MMP14: variants seen among roughly 807,000 people sequenced by gnomAD.
MMP14 encodes matrix metallopeptidase 14.
In MMP14, 13 loss-of-function variants were observed where a neutral mutation model predicts 64.8. That is an observed-to-expected ratio of 0.20 (90% CI 0.13 to 0.32). MMP14 has a LOEUF of 0.32. Among genes scored for constraint, MMP14 ranks in the 10% least tolerant of loss-of-function variants. The pLI is 1.00. For synonymous variants in MMP14, 322 were observed against 315.9 expected (o/e 1.02, Z -0.20); for missense variants, 594 against 783.8 (o/e 0.76, Z 2.89).
rs950588038 is a variant in MMP14, at chr14:22,836,898, G to T, written c.81G>T (p.Ser27=). The T allele has an allele frequency of 2.5e-6, 4 of 1,613,430 alleles. No individual in the cohort carries two copies. The highest frequency in any genetic ancestry group is 3.4e-6 in the Non-Finnish European group (4 of 1,179,766). Residue 27 remains serine (S), a synonymous_variant, in exon 1 of 10, where the codon TCG becomes TCT. Coordinates refer to ENST00000311852, the MANE Select transcript of MMP14 (RefSeq NM_004995.4). The part of the protein sequence containing the change: ...TLGTALASLG[S]AQSSSFSPEA... ...GCACCGCGCTCGCCTCCCTCGGCTC[G>T]GCCCAAAGCAGCAGCTTCAGCCCCG...
rs763810739 is a variant in MMP14, at chr14:22,845,888, G to A, written c.1598G>A (p.Gly533Asp). Residue 533 changes from glycine to aspartate, a missense_variant, in exon 10 of 10, where the codon GGC becomes GAC. Physicochemically the swap from Gly to Asp is moderately conservative, Grantham distance 94. Transcript: ENST00000311852. ...EVIIIEVDEEGGGAVSAAAVV... is the reference protein window; with the variant it reads ...EVIIIEVDEEDGGAVSAAAVV... ...ATCATCATTGAGGTGGACGAGGAGG[G>A]CGGCGGGGCGGTGAGCGCGGCTGCC... 4.3e-6 allele frequency: 7 copies of A among 1,613,462 alleles called. No homozygotes were observed. The highest frequency in any genetic ancestry group is 5.9e-6 in the Non-Finnish European group (7 of 1,179,784).
rs138052455 is a variant in MMP14 at position 22,845,893 on chromosome 14, G to A, written c.1603G>A (p.Gly535Arg). 50 of 1,612,838 alleles carry A rather than the reference G, an allele frequency of 3.1e-5. No individual in the cohort carries two copies. The highest frequency in any genetic ancestry group is 7.7e-5 in the South Asian group (7 of 91,020). Residue 535 changes from glycine to arginine, a missense_variant, in exon 10 of 10, where the codon GGG becomes AGG. Coordinates refer to ENST00000311852, the MANE Select transcript of MMP14 (RefSeq NM_004995.4). ...IIIEVDEEGG[G>R]AVSAAAVVLP... Reference sequence around the variant, plus strand: ...CATTGAGGTGGACGAGGAGGGCGGCGGGGCGGTGAGCGCGGCTGCCGTGGT... The same window carrying A: ...CATTGAGGTGGACGAGGAGGGCGGCAGGGCGGTGAGCGCGGCTGCCGTGGT...
intron 1 of MMP14, among the ~76,000 whole-genome samples, chr14:22,840,540 G>T (rs2039765675): frequency 6.8e-6 from 1 of 146,160 alleles, no homozygotes; most frequent in African/African-American, 2.6e-5. Flanking sequence ...ACGGAGTCTT[G>T]CTTTGTCTCC....
At chr14:22,844,021 C>G in intron 6 of MMP14, 151 bp downstream of exon 6, 1 of 1,029,552 alleles carries the variant, frequency 9.7e-7, no homozygotes, top group Non-Finnish European at 1.4e-6. Flanking sequence ...CATAGTGAAA[C>G]CCCGTCTCTA....
At chr14:22,841,386 C>A in intron 1 of MMP14, 105 bp from the exon 2 acceptor site, 1 of 1,445,234 alleles carries the variant, frequency 6.9e-7, no homozygotes. Flanking sequence ...GAACCCACTG[C>A]CCTTTCCTTG....
Position 22,843,884 on chromosome 14 carries a change from G to A in MMP14, c.1011+14G>A. ...TTTGTCTTCAAGGTGAGAAGAAGTG[G>A]GCTGGTTTGAAAGACAAAAGGGCCC... On this transcript the variant is annotated intron_variant, in intron 6 of 9. Transcript: ENST00000311852. This position sits in a 1 kb window ranked among gnomAD's most constrained non-coding sequence, Gnocchi z 4.8. The A allele has an allele frequency of 1.9e-6, 3 of 1,607,252 alleles. No individual in the cohort carries two copies. Among genetic ancestry groups the A allele is most frequent in the South Asian group, 2.2e-5 (2 of 90,066 alleles).
Position 22,847,443 on chromosome 14 carries a change from G to A in MMP14, c.*1404G>A, listed in dbSNP as rs1283727211. ...ACTTGGGAGAGTGAGACCCAGTGGA[G>A]GGAGCAAGAGGAGAGGGATGTCGGG... On this transcript the variant is annotated 3_prime_UTR_variant, in exon 10 of 10. Coordinates refer to ENST00000311852, the MANE Select transcript of MMP14 (RefSeq NM_004995.4). 6.6e-6 allele frequency: 1 copy of A among 151,396 alleles called. No homozygotes were observed. The highest frequency in any genetic ancestry group is 2.4e-5 in the African/African-American group (1 of 41,188). 9.4% of individuals were successfully genotyped at this position (151,396 alleles called of 1,614,324 possible). A position where few individuals can be genotyped will look rare whatever the true frequency, so the allele number is the denominator to read the frequency against.
chr14:22,841,492 C>A lies in MMP14; in HGVS notation c.110C>A (p.Ala37Asp). Residue 37 changes from alanine (A) to aspartate (D), a missense_variant and splice_region_variant, in exon 2 of 10, where the codon GCC becomes GAC. Transcript: ENST00000311852. ...SAQSSSFSPE[A>D]WLQQYGYLPP... ...TAAGCCATACCCCTTTCCCTACAGG[C>A]CTGGCTACAGCAATATGGCTACCTG... The A allele has an allele frequency of 6.2e-7, 1 of 1,613,666 alleles. No individual in the cohort carries two copies. Among genetic ancestry groups the A allele is most frequent in the Non-Finnish European group, 8.5e-7 (1 of 1,179,986 alleles).
chr14:22,838,340 C>T (rs2039749863), intron 1 of MMP14, among the ~76,000 whole-genome samples: 2 of 152,142 alleles, frequency 1.3e-5, no homozygotes, highest in Non-Finnish European at 2.9e-5. Flanking sequence ...TTTGCTGGGT[C>T]CCCCAGGGGA....
rs2039773713 is a variant in MMP14, at chr14:22,841,636, T to C, written c.254T>C (p.Met85Thr). ...QVTGKADADTMKAMRRPRCGV... is the reference protein window; with the variant it reads ...QVTGKADADTTKAMRRPRCGV... ...ACAGGCAAAGCTGATGCAGACACCA[T>C]GAAGTAAGTGCTAGACCCTGGCAGG... is the stretch of plus-strand genomic sequence containing the variant. The change falls in exon 2 of 10, where the codon ATG becomes ACG. Residue 85 changes from methionine (M) to threonine (T), a missense_variant. Met to Thr is a moderately conservative substitution (Grantham distance 81). Transcript: ENST00000311852. 1 of 1,613,912 alleles carries C rather than the reference T, an allele frequency of 6.2e-7. No homozygotes were observed. The highest frequency in any genetic ancestry group is 8.5e-7 in the Non-Finnish European group (1 of 1,179,984).
Position 22,842,655 on chromosome 14 carries a change from T to C in MMP14, c.626T>C (p.Ile209Thr), listed in dbSNP as rs770311145. Residue 209 changes from isoleucine to threonine, a missense_variant, in exon 4 of 10, where the codon ATT (isoleucine) becomes ACT (threonine). Ile to Thr is a moderately conservative substitution (Grantham distance 89). Coordinates refer to ENST00000311852, the MANE Select transcript of MMP14 (RefSeq NM_004995.4). This position sits in a 1 kb window ranked among gnomAD's most constrained non-coding sequence, Gnocchi z 5.3. ...CATGCCTACTTCCCAGGCCCCAACA[T>C]TGGAGGAGACACCCACTTTGACTCT... ...LAHAYFPGPN[I>T]GGDTHFDSAE... is the part of the protein sequence containing the mutation. The C allele has an allele frequency of 3.7e-6, 6 of 1,613,824 alleles. No individual in the cohort carries two copies. The highest frequency in any genetic ancestry group is 1.1e-5 in the South Asian group (1 of 91,052).
Position 22,843,763 on chromosome 14 carries a change from C to T in MMP14, c.904C>T (p.Arg302Trp), listed in dbSNP as rs17884719. 28 of 1,612,916 alleles carry T rather than the reference C, an allele frequency of 1.7e-5. No individual in the cohort carries two copies. The highest frequency in any genetic ancestry group is 1.3e-4 in the East Asian group (6 of 44,838). The change falls in exon 6 of 10, where the codon CGG becomes TGG. Residue 302 changes from arginine (R) to tryptophan (W), a missense_variant. Transcript: ENST00000311852. This position sits in a 1 kb window ranked among gnomAD's most constrained non-coding sequence, Gnocchi z 4.8. ...GCCCCCTCAACCCAGGACTACCTCC[C>T]GGCCTTCTGTTCCTGATAAACCCAA... The part of the protein sequence containing the change: ...KMPPQPRTTS[R>W]PSVPDKPKNP...
At position 22,843,035 on chromosome 14, in the gene MMP14, CG is replaced by C. The variant is rs764899419; in HGVS notation, c.689-218del. 6.6e-6 allele frequency among the ~76,000 whole-genome samples: 1 copy of C among 152,156 alleles called. No homozygotes were observed. The highest frequency in any genetic ancestry group is 1.5e-5 in the Non-Finnish European group (1 of 68,022). On this transcript the variant is annotated intron_variant, in intron 4 of 9. Transcript: ENST00000311852. This position sits in a 1 kb window ranked among gnomAD's most constrained non-coding sequence, Gnocchi z 4.8. The stretch of plus-strand genomic sequence containing the variant: ...CCCTTACCACAGGTCTTCCCGGGAT[CG>C]GGGTCCTGCTTCCAAGCACTCTCTC...
Position 22,839,015 on chromosome 14 carries a change from C to G in MMP14, c.108+2090C>G, listed in dbSNP as rs17878405. 4.7e-3 allele frequency among the ~76,000 whole-genome samples: 723 copies of G among 152,310 alleles called. 9 individuals are homozygous for G. The highest frequency in any genetic ancestry group is 0.016 in the African/African-American group (671 of 41,554). ...ACCCCCCTAGCTTCTTGAACGACTC[C>G]AGAGGGGATTTCCCCCAGAGCTCCT... On this transcript the variant is annotated intron_variant, in intron 1 of 9. Coordinates refer to ENST00000311852, the MANE Select transcript of MMP14 (RefSeq NM_004995.4).
At position 22,842,470 on chromosome 14, in the gene MMP14, G is replaced by A. The variant is rs781697049; in HGVS notation, c.441G>A (p.Ala147=). The change falls in exon 4 of 10, where the codon GCG becomes GCA. Residue 147 remains alanine (A), a synonymous_variant. Transcript: ENST00000311852. The surrounding 1 kb of genome is among the most constrained non-coding windows in gnomAD (Gnocchi z 5.3). ...EYATYEAIRK[A]FRVWESATPL... is the part of the protein sequence containing the mutation. ...CCACATACGAGGCCATTCGCAAGGCGTTCCGCGTGTGGGAGAGTGCCACAC... is the reference window on the plus strand; with the variant it reads ...CCACATACGAGGCCATTCGCAAGGCATTCCGCGTGTGGGAGAGTGCCACAC... The A allele has an allele frequency of 1.2e-5, 20 of 1,614,026 alleles. No individual in the cohort carries two copies. The East Asian group carries it at 1.6e-4, about 13-fold the overall frequency.
rs757044765 is a variant in MMP14 at position 22,843,420 on chromosome 14, C to T, written c.850+2C>T. The stretch of plus-strand genomic sequence containing the variant: ...GCCGGGGCATCCAGCAACTTTATGG[C>T]GAGTAGTCTACACCCACGCCTGCTC... On this transcript the variant is annotated splice_donor_variant, in intron 5 of 9. Coordinates refer to ENST00000311852, the MANE Select transcript of MMP14 (RefSeq NM_004995.4). LOFTEE classifies it low-confidence loss of function (GC_TO_GT_DONOR). This position sits in a 1 kb window ranked among gnomAD's most constrained non-coding sequence, Gnocchi z 4.8. The T allele has an allele frequency of 6.6e-5, 106 of 1,611,962 alleles. No homozygotes were observed. The East Asian group carries it at 2.0e-3, about 31-fold the overall frequency.
chr14:22,841,425 T>C, intron 1 of MMP14, 66 bp from the exon 2 acceptor site: 1 of 1,585,366 alleles, frequency 6.3e-7, no homozygotes, highest in Admixed American at 1.7e-5. Flanking sequence ...CTGGGCATTG[T>C]CGGGGAGGTA....
At position 22,844,515 on chromosome 14, in the gene MMP14, C is replaced by G; in HGVS notation, c.1150+6C>G. The G allele has an allele frequency of 6.2e-7, 1 of 1,614,074 alleles. No individual in the cohort carries two copies. Among genetic ancestry groups the G allele is most frequent in the Non-Finnish European group, 8.5e-7 (1 of 1,179,996 alleles). On this transcript the variant is annotated splice_donor_region_variant and intron_variant, in intron 7 of 9. Transcript: ENST00000311852. Reference sequence around the variant, plus strand: ...CAAATTCGTCTTCTTCAAAGGTAACCAGGCACTCCACTTTAGTCTTTGGGA... The same window carrying G: ...CAAATTCGTCTTCTTCAAAGGTAACGAGGCACTCCACTTTAGTCTTTGGGA...
At chr14:22,838,176 G>A (rs1207852449) in intron 1 of MMP14, among the ~76,000 whole-genome samples, 1 of 152,176 alleles carries the variant, frequency 6.6e-6, no homozygotes, top group East Asian at 1.9e-4. Flanking sequence ...CCTGGTGCTG[G>A]AGGCTGAGCC....
Sources: allele counts gnomAD v4.1 joint callset (sites outside exome capture counted in the v4.1 genomes callset), GRCh38; gene constraint gnomAD v4.1.1; non-coding constraint Gnocchi (gnomAD v3.1); transcripts MANE v1.5; gene names NCBI Gene and HGNC (gene_info 2026-07-23, HGNC 2026-07-21).